The following ZMYND11 variants were observed in gnomAD, a reference collection of about 807,000 sequenced individuals.
ZMYND11 encodes zinc finger MYND-type containing 11.
Under a neutral mutation model 84.9 loss-of-function variants are expected in ZMYND11, and 9 were observed. The observed-to-expected ratio is 0.11, with a 90% CI of 0.06 to 0.18. The LOEUF is 0.18. Ranked by LOEUF, ZMYND11 falls within the 10% of genes least tolerant of loss-of-function variation. The probability of loss-of-function intolerance (pLI) is 1.00; values close to 1 mark genes in which losing one functional copy is unlikely to be tolerated. For synonymous variants in ZMYND11, 250 were observed against 244.1 expected (o/e 1.02, Z -0.23); for missense variants, 409 against 761.0 (o/e 0.54, Z 5.44).
chr10:250,386 T>G (rs897909142), intron 14 of ZMYND11, among the ~76,000 whole-genome samples: 8 of 152,176 alleles, frequency 5.3e-5, no homozygotes, highest in African/African-American at 1.9e-4. Context: ...TCCCAGTGCT[T>G]TGGGAGGCCA....
chr10:201,044 T>C (rs966988076), intron 2 of ZMYND11, among the ~76,000 whole-genome samples: 2 of 151,996 alleles, frequency 1.3e-5, no homozygotes, highest in Non-Finnish European at 2.9e-5. Flanking sequence ...TTTATACTCA[T>C]AAAGTCTTTT....
intron 3 of ZMYND11, among the ~76,000 whole-genome samples, chr10:212,582 G>A (rs1176248758): frequency 2.0e-5 from 3 of 151,570 alleles, no homozygotes; most frequent in African/African-American, 7.3e-5. Flanking sequence ...ATGCAACCTT[G>A]AGGAAATTTC....
intron 1 of ZMYND11, among the ~76,000 whole-genome samples, chr10:141,800 T>C (rs1837552624): frequency 6.6e-6 from 1 of 152,202 alleles, no homozygotes; most frequent in South Asian, 2.1e-4. Flanking sequence ...TAATTTAAAA[T>C]ATAGGTTAAG....
chr10:239,062 T>C (rs7919162), intron 6 of ZMYND11, among the ~76,000 whole-genome samples: 98,550 of 152,156 alleles, frequency 0.65, 32,117 homozygotes, highest in East Asian at 0.83. Context: ...CCTCCTGTGT[T>C]GTAAAGAATG....
At chr10:132,175 A>T (rs1554750029), upstream of ZMYND11, among the ~76,000 whole-genome samples, 2 of 151,968 alleles carry the variant, frequency 1.3e-5, no homozygotes, top group Admixed American at 6.6e-5. Flanking sequence ...GTATAGTCTT[A>T]GAAAATATTT....
chr10:136,445 A>G (rs1444802580), intron 1 of ZMYND11, among the ~76,000 whole-genome samples: 1 of 152,016 alleles, frequency 6.6e-6, no homozygotes, highest in Non-Finnish European at 1.5e-5. Context: ...GGGATTATAT[A>G]TGGTGTGTAC....
intron 2 of ZMYND11, among the ~76,000 whole-genome samples, chr10:186,239 C>T (rs913387826): frequency 6.6e-6 from 1 of 151,822 alleles, no homozygotes; most frequent in Non-Finnish European, 1.5e-5. Flanking sequence ...TCTCAATCTC[C>T]TGACCTTCTG....
At chr10:193,773 A>G (rs891505653) in intron 2 of ZMYND11, among the ~76,000 whole-genome samples, 10 of 152,118 alleles carry the variant, frequency 6.6e-5, no homozygotes, top group Non-Finnish European at 1.0e-4. Flanking sequence ...TGATTTGCCT[A>G]CGGTCACTGT....
intron 1 of ZMYND11, among the ~76,000 whole-genome samples, chr10:145,094 C>T (rs952696466): frequency 2.0e-5 from 3 of 150,064 alleles, no homozygotes; most frequent in Non-Finnish European, 4.4e-5. Flanking sequence ...CTGCAAAAGA[C>T]GTTATTTTAT....
chr10:172,269 A>T (rs1009501202), intron 1 of ZMYND11, among the ~76,000 whole-genome samples: 7 of 152,184 alleles, frequency 4.6e-5, no homozygotes, highest in African/African-American at 1.7e-4. Context: ...TAAGATAATA[A>T]ACAGAAATAA....
At chr10:161,590 TTAGTG>T (rs1228472008) in intron 1 of ZMYND11, among the ~76,000 whole-genome samples, 1 of 152,224 alleles carries the variant, frequency 6.6e-6, no homozygotes, top group Non-Finnish European at 1.5e-5. Context: ...AATCTGTTGT[TTAGTG>T]TAGCCACCTT....
chr10:188,584 C>A (rs1939414657), intron 2 of ZMYND11, among the ~76,000 whole-genome samples: 1 of 106,050 alleles, frequency 9.4e-6, no homozygotes. Flanking sequence ...AGAGTGAGAC[C>A]CTGTCTCAAA....
At chr10:158,359 G>A (rs918016883) in intron 1 of ZMYND11, among the ~76,000 whole-genome samples, 3 of 150,824 alleles carry the variant, frequency 2.0e-5, no homozygotes, top group Admixed American at 6.6e-5. Context: ...GAAAACACCG[G>A]TTTCTATTAT....
At chr10:130,683 C>T (rs1241846782), upstream of ZMYND11, among the ~76,000 whole-genome samples, 2 of 152,128 alleles carry the variant, frequency 1.3e-5, no homozygotes, top group African/African-American at 2.4e-5. Context: ...GACTCTAATC[C>T]AAGCAATCTG....
intron 2 of ZMYND11, among the ~76,000 whole-genome samples, chr10:189,727 T>C (rs1216988987): frequency 2.0e-5 from 3 of 152,170 alleles, no homozygotes; most frequent in Non-Finnish European, 4.4e-5. Context: ...TCTTTGCATG[T>C]CTATGAAGAA....
At chr10:241,676 C>A (rs1199532561) in intron 9 of ZMYND11, among the ~76,000 whole-genome samples, 1 of 152,242 alleles carries the variant, frequency 6.6e-6, no homozygotes. Context: ...GAAGACAGTA[C>A]TGTGCCAGCC....
chr10:213,258 G>A (rs1437269631), intron 3 of ZMYND11, among the ~76,000 whole-genome samples: 1 of 152,112 alleles, frequency 6.6e-6, no homozygotes, highest in African/African-American at 2.4e-5. Flanking sequence ...AACAACAAGA[G>A]TGTCTTATGG....
At chr10:235,343 A>G (rs1949766374) in intron 4 of ZMYND11, among the ~76,000 whole-genome samples, 2 of 152,102 alleles carry the variant, frequency 1.3e-5, no homozygotes, top group South Asian at 4.1e-4. Flanking sequence ...CTCATTTTAA[A>G]TTCAGTTAAG....
intron 4 of ZMYND11, 125 bp downstream of exon 4, chr10:221,481 T>A: frequency 1.1e-6 from 1 of 891,344 alleles, no homozygotes; most frequent in Non-Finnish European, 1.7e-6. Context: ...GGGGGTTATC[T>A]AATGAAATGA....
Sources: allele counts gnomAD v4.1 joint callset (sites outside exome capture counted in the v4.1 genomes callset), GRCh38; gene constraint gnomAD v4.1.1; transcripts MANE v1.5; gene names NCBI Gene and HGNC (gene_info 2026-07-23, HGNC 2026-07-21).